Variants in ELAPOR2 observed in about 807,000 individuals in gnomAD.
ELAPOR2 encodes the protein endosome/lysosome-associated apoptosis and autophagy regulator family member 2.
Under a neutral mutation model 120.7 loss-of-function variants are expected in ELAPOR2, and 89 were observed. That is an observed-to-expected ratio of 0.74 (90% CI 0.62 to 0.88). ELAPOR2 has a LOEUF of 0.88. ELAPOR2 is among the 40% of genes least tolerant of loss of function. ELAPOR2 has a pLI of 0.00. For missense variants in ELAPOR2, 1,134 were observed against 1,251.6 expected, an observed-to-expected ratio of 0.91 and a Z score of 1.42; for synonymous variants, 444 against 444.9, an observed-to-expected ratio of 1.00 and a Z score of 0.03.
chr7:86,990,941 G>C (rs1032091451), intron 1 of ELAPOR2, among the ~76,000 whole-genome samples: 1 of 152,196 alleles, frequency 6.6e-6, no homozygotes, highest in Non-Finnish European at 1.5e-5. Context: ...TTGGAAAGCA[G>C]GTCTGTCAAA....
rs572590791 is a variant in ELAPOR2, at chr7:86,912,810, T to C, written c.1995+131A>G. On this transcript the variant is annotated intron_variant, in intron 14 of 21. Coordinates refer to ENST00000450689, the MANE Select transcript of ELAPOR2 (RefSeq NM_001142749.3). ...AACGCAAGAAGGGAGAAAACAGAAA[T>C]GGTAAGTAGAAAGTCTTATTTCAGA... The C allele has an allele frequency of 9.5e-4, 989 of 1,045,972 alleles. 5 individuals are homozygous for C. The highest frequency in any genetic ancestry group is 4.3e-3 in the Middle Eastern group (19 of 4,468). 64.8% of individuals were successfully genotyped at this position (1,045,972 alleles called of 1,614,324 possible).
rs577816432 is a variant in ELAPOR2 at position 87,052,932 on chromosome 7, G to A, written c.189+6393C>T. Among the ~76,000 whole-genome samples, 11 of 152,166 alleles carry A rather than the reference G, an allele frequency of 7.2e-5. 1 individual carries two copies. The South Asian group carries it at 2.3e-3, about 32-fold the overall frequency. ...CCACCTCAGCATCCCAAGTAGCTGG[G>A]ACTACAGGCCCATGCCACCATGCCC... On this transcript the variant is annotated intron_variant, in intron 1 of 21. Coordinates refer to ENST00000450689, the MANE Select transcript of ELAPOR2 (RefSeq NM_001142749.3).
At chr7:86,980,652 G>A (rs978014070) in intron 1 of ELAPOR2, among the ~76,000 whole-genome samples, 2 of 152,040 alleles carry the variant, frequency 1.3e-5, no homozygotes, top group African/African-American at 4.8e-5. Flanking sequence ...TGCACAGACT[G>A]ACAAGCATGC....
intron 1 of ELAPOR2, among the ~76,000 whole-genome samples, chr7:87,014,517 A>G (rs965948851): frequency 2.0e-5 from 3 of 152,240 alleles, no homozygotes; most frequent in African/African-American, 7.2e-5. Context: ...GTTTACACAC[A>G]GAATTTCAAG....
At chr7:86,975,738 C>G (rs1792263292) in intron 1 of ELAPOR2, among the ~76,000 whole-genome samples, 1 of 152,206 alleles carries the variant, frequency 6.6e-6, no homozygotes, top group Non-Finnish European at 1.5e-5. Flanking sequence ...GCTACAGTTT[C>G]TTTTTCCCAC....
At chr7:87,034,092 T>C (rs1272797255) in intron 1 of ELAPOR2, among the ~76,000 whole-genome samples, 4 of 152,172 alleles carry the variant, frequency 2.6e-5, no homozygotes, top group African/African-American at 9.7e-5. Context: ...CCAAACTATA[T>C]GTACATAATA....
At chr7:86,986,138 G>A (rs1403044633) in intron 1 of ELAPOR2, among the ~76,000 whole-genome samples, 1 of 139,882 alleles carries the variant, frequency 7.1e-6, no homozygotes, top group Non-Finnish European at 1.5e-5. Context: ...TTTGCAGATG[G>A]CATGATTGTA....
chr7:86,898,441 A>G (rs980899082), intron 18 of ELAPOR2, among the ~76,000 whole-genome samples: 8 of 151,838 alleles, frequency 5.3e-5, no homozygotes, highest in African/African-American at 1.7e-4. Flanking sequence ...GGTTGCCCAC[A>G]TCCCTGAATA....
intron 1 of ELAPOR2, among the ~76,000 whole-genome samples, chr7:87,001,068 G>A (rs1793300434): frequency 1.3e-5 from 2 of 152,098 alleles, no homozygotes; most frequent in Admixed American, 6.6e-5. Context: ...GAGGTTCCCT[G>A]GAAACCATCC....
In ELAPOR2 at chr7:86,894,691, C is replaced by T. The variant is rs887381293; in HGVS notation, c.2686-1591G>A. Among the ~76,000 whole-genome samples, 6 of 152,030 alleles carry T rather than the reference C, an allele frequency of 3.9e-5. No homozygotes were observed. The South Asian group carries it at 1.2e-3, about 31-fold the overall frequency. Reference sequence around the variant, plus strand: ...TAATTAGAAAGTCTTATTCATTCAACCACACATCATTGGAAAACAAAAAAT... The same window carrying T: ...TAATTAGAAAGTCTTATTCATTCAATCACACATCATTGGAAAACAAAAAAT... On this transcript the variant is annotated intron_variant, in intron 19 of 21. Transcript: ENST00000450689.
At chr7:86,913,292 A>G in intron 13 of ELAPOR2, 88 bp from the exon 14 acceptor site, 9 of 1,287,386 alleles carry the variant, frequency 7.0e-6, no homozygotes, top group Non-Finnish European at 9.9e-6. Context: ...CATCAAAATA[A>G]CTAAATAGAG....
chr7:87,059,431 G>A lies in ELAPOR2; in HGVS notation c.83C>T (p.Pro28Leu). The A allele has an allele frequency of 3.2e-6, 4 of 1,234,162 alleles. No individual in the cohort carries two copies. In the South Asian group the frequency reaches 1.6e-4, roughly 51 times the overall value. The allele number at this position is 1,234,162 out of a possible 1,614,324, so 76.5% of individuals were successfully genotyped here. The part of the protein sequence containing the change: ...AEAPRRGRSP[P>L]WSPAWICCWA... ...GCAGCAAATCCAGGCGGGGCTCCAGGGCGGCGAGCGCCCGCGGCGGGGAGC... is the reference window on the plus strand; with the variant it reads ...GCAGCAAATCCAGGCGGGGCTCCAGAGCGGCGAGCGCCCGCGGCGGGGAGC... Residue 28 changes from proline to leucine, a missense_variant, in exon 1 of 22, where the codon CCC (proline) becomes CTC (leucine). Coordinates refer to ENST00000450689, the MANE Select transcript of ELAPOR2 (RefSeq NM_001142749.3).
intron 1 of ELAPOR2, among the ~76,000 whole-genome samples, chr7:87,023,750 G>A (rs968649459): frequency 3.9e-5 from 6 of 152,066 alleles, no homozygotes; most frequent in African/African-American, 1.4e-4. Flanking sequence ...TTGAGCAGTG[G>A]TTTGTAGTTC....
intron 1 of ELAPOR2, among the ~76,000 whole-genome samples, chr7:87,042,497 C>T: frequency 6.6e-6 from 1 of 151,694 alleles, no homozygotes; most frequent in Non-Finnish European, 1.5e-5. Context: ...GAACAACCTG[C>T]TCCTGAATGA....
chr7:86,975,525 C>T (rs535773942), intron 1 of ELAPOR2, among the ~76,000 whole-genome samples: 148 of 152,290 alleles, frequency 9.7e-4, no homozygotes, highest in Non-Finnish European at 1.8e-3. Flanking sequence ...AGGTTTTCTT[C>T]TTAATCATAA....
rs1795334361 is a variant in ELAPOR2 at position 87,058,628 on chromosome 7, A to G, written c.189+697T>C. Among the ~76,000 whole-genome samples, 3 of 152,214 alleles carry G rather than the reference A, an allele frequency of 2.0e-5. No homozygotes were observed. The South Asian group carries it at 6.2e-4, about 32-fold the overall frequency. The stretch of plus-strand genomic sequence containing the variant: ...TAAAACAACAATGATTACAAGCTAT[A>G]AAATACACCGCGGCAATACTTCAGC... On this transcript the variant is annotated intron_variant, in intron 1 of 21. Coordinates refer to ENST00000450689, the MANE Select transcript of ELAPOR2 (RefSeq NM_001142749.3).
intron 18 of ELAPOR2, among the ~76,000 whole-genome samples, chr7:86,900,630 A>C (rs1788675356): frequency 6.6e-6 from 1 of 152,212 alleles, no homozygotes; most frequent in Admixed American, 6.5e-5. Flanking sequence ...ATTTGTTAAA[A>C]GATACTCTTA....
chr7:86,908,671 T>C (rs985321283), intron 16 of ELAPOR2, 128 bp from the exon 17 acceptor site: 24 of 478,604 alleles, frequency 5.0e-5, no homozygotes, highest in Middle Eastern at 1.1e-3. Context: ...TGCTGTATTA[T>C]ATTAATGCAT....
intron 1 of ELAPOR2, among the ~76,000 whole-genome samples, chr7:87,008,881 C>G (rs1793567304): frequency 6.6e-6 from 1 of 152,038 alleles, no homozygotes; most frequent in Non-Finnish European, 1.5e-5. Context: ...TTTCTTTGAG[C>G]TTAAAATTTT....
Sources: allele counts gnomAD v4.1 joint callset (sites outside exome capture counted in the v4.1 genomes callset), GRCh38; gene constraint gnomAD v4.1.1; transcripts MANE v1.5; gene names NCBI Gene and HGNC (gene_info 2026-07-23, HGNC 2026-07-21).